The following ZNF236 variants were observed in gnomAD, a reference collection of about 807,000 sequenced individuals.
ZNF236 encodes zinc finger protein 236.
In ZNF236, 50 loss-of-function variants were observed where a neutral mutation model predicts 191.2. The ratio of observed to expected loss-of-function variants is 0.26; its 90% CI spans 0.21 to 0.33. ZNF236 has a LOEUF of 0.33. Ranked by LOEUF, ZNF236 falls within the 10% of genes least tolerant of loss-of-function variation. ZNF236 has a pLI of 1.00. For missense variants in ZNF236, 1,754 were observed against 2,374.5 expected (o/e 0.74, Z 5.43); for synonymous variants, 907 against 928.8 (o/e 0.98, Z 0.43).
In ZNF236 at chr18:76,944,566, A is replaced by C. The variant is rs540308828; in HGVS notation, c.4783-2955A>C. 2.0e-4 allele frequency among the ~76,000 whole-genome samples: 30 copies of C among 152,248 alleles called. No individual in the cohort carries two copies. The East Asian group carries it at 4.3e-3, about 22-fold the overall frequency. On this transcript the variant is annotated intron_variant, in intron 26 of 30. Transcript: ENST00000320610. Reference sequence around the variant, plus strand: ...CAGGCCGAGGCGGGTGGATCACCTGAGGTCAGGAGATCGAGACCAGCTTGG... The same window carrying C: ...CAGGCCGAGGCGGGTGGATCACCTGCGGTCAGGAGATCGAGACCAGCTTGG...
intron 1 of ZNF236, among the ~76,000 whole-genome samples, chr18:76,843,877 T>C (rs1975595013): frequency 2.0e-5 from 3 of 147,468 alleles, no homozygotes; most frequent in Non-Finnish European, 4.4e-5. Flanking sequence ...AAGGGAGTTT[T>C]AAATAAAAGT....
rs1161346442 is a variant in ZNF236 at position 76,971,725 on chromosome 18, A to T, written c.*3386A>T. Among the ~76,000 whole-genome samples, 1 of 152,232 alleles carries T rather than the reference A, an allele frequency of 6.6e-6. No individual in the cohort carries two copies. Among genetic ancestry groups the T allele is most frequent in the Non-Finnish European group, 1.5e-5 (1 of 68,036 alleles). On this transcript the variant is annotated 3_prime_UTR_variant, in exon 31 of 31. Coordinates refer to ENST00000320610, the MANE Select transcript of ZNF236 (RefSeq NM_001306089.2). ...CATTAAGATACACATTTTAACATGA[A>T]ATGACCATCACACAGATTTATGTTT...
intron 25 of ZNF236, chr18:76,936,459 C>G (rs557041882): frequency 4.4e-6 from 2 of 454,012 alleles, no homozygotes; most frequent in African/African-American, 4.0e-5. Flanking sequence ...CCTTTCTTCA[C>G]CAGATACTTT....
chr18:76,922,901 G>A lies in ZNF236; in HGVS notation c.3558-170G>A, dbSNP rs147346821. 1.9e-3 allele frequency among the ~76,000 whole-genome samples: 283 copies of A among 152,254 alleles called. 1 individual carries two copies. The highest frequency in any genetic ancestry group is 6.6e-3 in the African/African-American group (273 of 41,544). ...TATTATTTGTCCTGCAAATATTTTC[G>A]TTGTTATTTGGATTTGTTTATGGTA... On this transcript the variant is annotated intron_variant, in intron 20 of 30. Coordinates refer to ENST00000320610, the MANE Select transcript of ZNF236 (RefSeq NM_001306089.2).
intron 1 of ZNF236, among the ~76,000 whole-genome samples, chr18:76,843,497 G>T (rs1975573951): frequency 6.6e-6 from 1 of 152,094 alleles, no homozygotes; most frequent in Admixed American, 6.6e-5. Context: ...AAAAGAAGAG[G>T]CCGGGCACAG....
intron 25 of ZNF236, among the ~76,000 whole-genome samples, chr18:76,932,059 A>C (rs1234117807): frequency 6.6e-6 from 1 of 152,252 alleles, no homozygotes; most frequent in East Asian, 1.9e-4. Flanking sequence ...GACTCTGGGC[A>C]GGTCAGAGCT....
At position 76,923,143 on chromosome 18, in the gene ZNF236, C is replaced by T. The variant is rs759046099; in HGVS notation, c.3630C>T (p.Ser1210=). ...GTGGAAAGAGTTTTACTGTGAAATC[C>T]ACTCTCGATTGTCATGTGAAGACTC... The part of the protein sequence containing the change: ...DECGKSFTVK[S]TLDCHVKTHT... Residue 1210 remains serine (S), a synonymous_variant, in exon 21 of 31, where the codon TCC becomes TCT. Coordinates refer to ENST00000320610, the MANE Select transcript of ZNF236 (RefSeq NM_001306089.2). 13 of 1,613,648 alleles carry T rather than the reference C, an allele frequency of 8.1e-6. No individual in the cohort carries two copies. Among genetic ancestry groups the T allele is most frequent in the Non-Finnish European group, 1.0e-5 (12 of 1,179,810 alleles).
rs528114526 is a variant in ZNF236 at position 76,895,361 on chromosome 18, A to T, written c.1690+76A>T. On this transcript the variant is annotated intron_variant, in intron 10 of 30. Coordinates refer to ENST00000320610, the MANE Select transcript of ZNF236 (RefSeq NM_001306089.2). The stretch of plus-strand genomic sequence containing the variant: ...ACATTACTGCGCACATATACCAAAC[A>T]CAGGTATGGCACACAGTAGGCACAC... 5.1e-5 allele frequency: 80 copies of T among 1,553,494 alleles called. 1 individual carries two copies. In the South Asian group the frequency reaches 9.2e-4, roughly 18 times the overall value.
chr18:76,824,456 T>TG, intron 1 of ZNF236: 1 of 781,016 alleles, frequency 1.3e-6, no homozygotes, highest in Non-Finnish European at 2.4e-6. Context: ...TTTTGATTAA[T>TG]GGTTGATGGT....
intron 1 of ZNF236, chr18:76,824,313 A>G (rs761100173): frequency 5.1e-6 from 4 of 780,980 alleles, no homozygotes; most frequent in Non-Finnish European, 9.6e-6. Context: ...ACATTACGGA[A>G]ACGTTGGTGA....
chr18:76,884,641 G>A (rs765253631), intron 9 of ZNF236, among the ~76,000 whole-genome samples: 1 of 152,100 alleles, frequency 6.6e-6, no homozygotes, highest in African/African-American at 2.4e-5. Context: ...GTGAACTTCG[G>A]TGTACTCTAC....
Position 76,841,907 on chromosome 18 carries a change from C to A in ZNF236, c.56-7619C>A, listed in dbSNP as rs145111327. Reference sequence around the variant, plus strand: ...GGAGACAGGGGTTTGCCATGTTGGCCAGGTTGGTCTGAAACCCTTGACCTC... The same window carrying A: ...GGAGACAGGGGTTTGCCATGTTGGCAAGGTTGGTCTGAAACCCTTGACCTC... On this transcript the variant is annotated intron_variant, in intron 1 of 30. Coordinates refer to ENST00000320610, the MANE Select transcript of ZNF236 (RefSeq NM_001306089.2). 3.5e-4 allele frequency among the ~76,000 whole-genome samples: 54 copies of A among 152,120 alleles called. No individual in the cohort carries two copies. In the East Asian group the frequency reaches 9.9e-3, roughly 28 times the overall value.
At chr18:76,953,816 A>G (rs1968463510) in intron 27 of ZNF236, among the ~76,000 whole-genome samples, 1 of 152,188 alleles carries the variant, frequency 6.6e-6, no homozygotes, top group African/African-American at 2.4e-5. Context: ...CTGGACGCAG[A>G]GGATGTTGGA....
chr18:76,883,580 C>T (rs757878353), intron 9 of ZNF236, among the ~76,000 whole-genome samples: 2 of 151,940 alleles, frequency 1.3e-5, no homozygotes, highest in Non-Finnish European at 1.5e-5. Context: ...TGTGCCACCA[C>T]ATATGGCTAG....
At chr18:76,895,678 A>G (rs1207103983) in intron 10 of ZNF236, among the ~76,000 whole-genome samples, 3 of 152,050 alleles carry the variant, frequency 2.0e-5, no homozygotes, top group Non-Finnish European at 4.4e-5. Flanking sequence ...CAGGGACTGC[A>G]CACAGTACCC....
At chr18:76,897,410 C>T (rs879316431) in intron 10 of ZNF236, among the ~76,000 whole-genome samples, 1 of 151,750 alleles carries the variant, frequency 6.6e-6, no homozygotes, top group African/African-American at 2.4e-5. Context: ...CGCTCAGGTA[C>T]TGCATACAGT....
chr18:76,960,961 C>A lies in ZNF236; in HGVS notation c.5419+106C>A. The stretch of plus-strand genomic sequence containing the variant: ...GTTCACACAGTGATTTTGCATTGCA[C>A]GTGGTACAGCCTCAGTTGTGTGGAC... On this transcript the variant is annotated intron_variant, in intron 30 of 30. Transcript: ENST00000320610. This position sits in a 1 kb window ranked among gnomAD's most constrained non-coding sequence, Gnocchi z 4.4. The A allele has an allele frequency of 8.1e-7, 1 of 1,241,040 alleles. No individual in the cohort carries two copies. The allele number at this position is 1,241,040 out of a possible 1,614,324, so 76.9% of individuals were successfully genotyped here. A position where few individuals can be genotyped will look rare whatever the true frequency, so the allele number is the denominator to read the frequency against.
chr18:76,918,008 CT>C (rs1967419754), intron 19 of ZNF236, among the ~76,000 whole-genome samples: 1 of 152,018 alleles, frequency 6.6e-6, no homozygotes, highest in Admixed American at 6.6e-5. Flanking sequence ...TCTTTTTTCC[CT>C]TTTATGTGCT....
At chr18:76,837,128 C>G (rs1975355276) in intron 1 of ZNF236, among the ~76,000 whole-genome samples, 2 of 36,344 alleles carry the variant, frequency 5.5e-5, no homozygotes, top group Non-Finnish European at 1.0e-4. Context: ...CGCACCCCCT[C>G]CCCCCCCCCC....
Sources: allele counts gnomAD v4.1 joint callset (sites outside exome capture counted in the v4.1 genomes callset), GRCh38; gene constraint gnomAD v4.1.1; non-coding constraint Gnocchi (gnomAD v3.1); transcripts MANE v1.5; gene names NCBI Gene and HGNC (gene_info 2026-07-23, HGNC 2026-07-21).